KLHL24: variants seen among roughly 807,000 people sequenced by gnomAD.
KLHL24 encodes the protein kelch like family member 24.
KLHL24 carries 29 observed loss-of-function variants against 53.4 expected under a neutral mutation model. The ratio of observed to expected loss-of-function variants is 0.54; its 90% CI spans 0.40 to 0.74. The LOEUF is 0.74. Ranked by LOEUF, KLHL24 falls within the 30% of genes least tolerant of loss-of-function variation. KLHL24 has a pLI of 0.00. For synonymous variants in KLHL24, 222 were observed against 253.7 expected (o/e 0.88, Z 1.19); for missense variants, 504 against 744.0 (o/e 0.68, Z 3.75).
chr3:183,649,199 T>C (rs1437214199), intron 2 of KLHL24, among the ~76,000 whole-genome samples: 1 of 152,182 alleles, frequency 6.6e-6, no homozygotes, highest in Non-Finnish European at 1.5e-5. Context: ...TGGTAGAAAA[T>C]AGAGAAGATA....
At chr3:183,674,251 C>CTTTCTTTCTT (rs1473032817) in intron 7 of KLHL24, among the ~76,000 whole-genome samples, 3 of 129,564 alleles carry the variant, frequency 2.3e-5, no homozygotes, top group Admixed American at 7.5e-5. Context: ...AATTTTCTTT[C>CTTTCTTTCTT]TTTCTTTCTT....
At chr3:183,649,226 A>G (rs996365120) in intron 2 of KLHL24, among the ~76,000 whole-genome samples, 1 of 152,232 alleles carries the variant, frequency 6.6e-6, no homozygotes, top group Non-Finnish European at 1.5e-5. Flanking sequence ...ACATTTTAGC[A>G]TATGTACATC....
chr3:183,674,183 A>G (rs1721747574), intron 7 of KLHL24, among the ~76,000 whole-genome samples: 1 of 151,984 alleles, frequency 6.6e-6, no homozygotes, highest in Non-Finnish European at 1.5e-5. Context: ...AACAAACAAA[A>G]ATACTCTAAT....
intron 5 of KLHL24, among the ~76,000 whole-genome samples, chr3:183,666,184 TTCCAAACTTTTTAAAAGCAAC>T (rs1227809461): frequency 3.9e-5 from 6 of 152,212 alleles, no homozygotes; most frequent in African/African-American, 1.4e-4. Context: ...CCTAGCCAGT[TTCCAAACTTTTTAAAAGCAAC>T]TACAGGTGGA....
intron 3 of KLHL24, among the ~76,000 whole-genome samples, chr3:183,657,757 T>A (rs1436304602): frequency 2.0e-5 from 3 of 152,226 alleles, no homozygotes; most frequent in Non-Finnish European, 4.4e-5. Flanking sequence ...TTGTTCATTG[T>A]TTTGAACTCA....
intron 4 of KLHL24, chr3:183,664,229 C>T (rs992081056): frequency 1.3e-5 from 2 of 152,166 alleles, no homozygotes; most frequent in African/African-American, 2.4e-5. Context: ...GTAGAATATG[C>T]TGTAATTTTT....
At chr3:183,676,078 A>G (rs1349714418) in intron 7 of KLHL24, among the ~76,000 whole-genome samples, 2 of 152,212 alleles carry the variant, frequency 1.3e-5, no homozygotes, top group Non-Finnish European at 2.9e-5. Flanking sequence ...GTTCAAATCT[A>G]GTACTGGGAT....
chr3:183,659,512 A>G (rs1310912984), intron 3 of KLHL24, among the ~76,000 whole-genome samples: 3 of 152,248 alleles, frequency 2.0e-5, no homozygotes, highest in African/African-American at 7.2e-5. Flanking sequence ...AGCTTGAGCA[A>G]CAGAGTGAGA....
At chr3:183,651,328 A>T in intron 3 of KLHL24, 52 bp downstream of exon 3, 1 of 1,289,322 alleles carries the variant, frequency 7.8e-7, no homozygotes, top group Non-Finnish European at 1.1e-6. Flanking sequence ...ATATATCTTT[A>T]AACCTCCTGA....
At chr3:183,675,428 T>A (rs1021296476) in intron 7 of KLHL24, among the ~76,000 whole-genome samples, 3 of 152,266 alleles carry the variant, frequency 2.0e-5, no homozygotes. Context: ...TCATATCACA[T>A]GTAAGTAAAA....
intron 2 of KLHL24, among the ~76,000 whole-genome samples, chr3:183,646,222 C>T (rs578121293): frequency 3.3e-5 from 5 of 151,716 alleles, no homozygotes; most frequent in Non-Finnish European, 7.4e-5. Flanking sequence ...ATTAGCCCGG[C>T]ATGGTGGCAT....
At chr3:183,662,626 T>TTCTC (rs1214090859) in intron 3 of KLHL24, among the ~76,000 whole-genome samples, 3 of 152,176 alleles carry the variant, frequency 2.0e-5, no homozygotes, top group African/African-American at 7.2e-5. Context: ...ATCTAAAAAA[T>TTCTC]GAGAGAAGCC....
At chr3:183,656,496 C>T (rs1262338480) in intron 3 of KLHL24, among the ~76,000 whole-genome samples, 9 of 152,162 alleles carry the variant, frequency 5.9e-5, no homozygotes, top group African/African-American at 1.9e-4. Context: ...CATGTTTGGG[C>T]TCAGAAATAC....
intron 1 of KLHL24, among the ~76,000 whole-genome samples, chr3:183,642,416 G>A (rs1258823145): frequency 6.6e-6 from 1 of 151,932 alleles, no homozygotes; most frequent in African/African-American, 2.4e-5. Flanking sequence ...TTAAAAAAAA[G>A]GTCGTTTATA....
rs34617692 is a variant in KLHL24 at position 183,672,388 on chromosome 3, C to T, written c.1506C>T (p.Asn502=). Residue 502 remains asparagine (N), a synonymous_variant, in exon 7 of 8, where the codon AAC becomes AAT. Coordinates refer to ENST00000242810, the MANE Select transcript of KLHL24 (RefSeq NM_017644.3). ...KRCITAVSLN[N]LIYVAGGLTK... ...GTATAACAGCTGTATCCCTAAACAA[C>T]CTGATCTATGTTGCCGGTGGACTGA... 6.2e-6 allele frequency: 10 copies of T among 1,613,462 alleles called. No homozygotes were observed. The African/African-American group carries it at 1.1e-4, about 17-fold the overall frequency.
In KLHL24 at chr3:183,672,643, T is replaced by A. The variant is rs535682950; in HGVS notation, c.1602+159T>A. ...ACTTTGGGAGGCCGAGGTGGATAGATCACTTGAGGTCAGGAGTTCAAGACC... is the reference window on the plus strand; with the variant it reads ...ACTTTGGGAGGCCGAGGTGGATAGAACACTTGAGGTCAGGAGTTCAAGACC... On this transcript the variant is annotated intron_variant, in intron 7 of 7. Coordinates refer to ENST00000242810, the MANE Select transcript of KLHL24 (RefSeq NM_017644.3). 2.0e-4 allele frequency: 85 copies of A among 426,010 alleles called. No homozygotes were observed. In the East Asian group the frequency reaches 2.4e-3, roughly 12 times the overall value. The allele number at this position is 426,010 out of a possible 1,614,324, so 26.4% of individuals were successfully genotyped here.
chr3:183,649,436 T>C (rs1021969496), intron 2 of KLHL24, among the ~76,000 whole-genome samples: 23 of 152,154 alleles, frequency 1.5e-4, no homozygotes, highest in African/African-American at 4.1e-4. Flanking sequence ...TTAGGTTATT[T>C]TGAGTATTTT....
At chr3:183,671,779 T>A (rs1721361206) in intron 6 of KLHL24, among the ~76,000 whole-genome samples, 1 of 152,222 alleles carries the variant, frequency 6.6e-6, no homozygotes, top group African/African-American at 2.4e-5. Flanking sequence ...GCCTAGCTGG[T>A]TTAGCACTGT....
intron 3 of KLHL24, among the ~76,000 whole-genome samples, chr3:183,651,498 G>A (rs1156236856): frequency 6.6e-6 from 1 of 152,160 alleles, no homozygotes; most frequent in African/African-American, 2.4e-5. Context: ...ATCAAACAGT[G>A]TAGCAAAGGG....
Sources: allele counts gnomAD v4.1 joint callset (sites outside exome capture counted in the v4.1 genomes callset), GRCh38; gene constraint gnomAD v4.1.1; transcripts MANE v1.5; gene names NCBI Gene and HGNC (gene_info 2026-07-23, HGNC 2026-07-21).